Variants in HMCN2 observed in about 807,000 individuals in gnomAD.
HMCN2 encodes the protein hemicentin 2, also known as hemicentin-2.
HMCN2 carries 325 observed loss-of-function variants against 377.5 expected under a neutral mutation model. That is an observed-to-expected ratio of 0.86 (90% CI 0.79 to 0.94). The LOEUF (loss-of-function observed/expected upper bound fraction) is 0.94, where lower values mean the gene tolerates loss of function less well. Ranked by LOEUF, HMCN2 falls within the 40% of genes least tolerant of loss-of-function variation. The pLI is 0.00. For missense variants in HMCN2, 4,543 were observed against 4,725.3 expected (o/e 0.96, Z 1.13); for synonymous variants, 2,007 against 2,046.8 (o/e 0.98, Z 0.53).
chr9:130,401,094 C>G (rs770393661), intron 77 of HMCN2, 147 bp downstream of exon 77: 1 of 642,602 alleles, frequency 1.6e-6, no homozygotes, highest in East Asian at 7.8e-5. Flanking sequence ...AGGACCCTCT[C>G]GCCCTCTCTG....
intron 1 of HMCN2, among the ~76,000 whole-genome samples, chr9:130,283,429 C>G (rs568711485): frequency 6.0e-5 from 9 of 150,994 alleles, no homozygotes; most frequent in South Asian, 2.1e-4. Context: ...ACCCACCCCC[C>G]ACTCAGTGAC....
At chr9:130,286,722 G>T (rs1026173472) in intron 4 of HMCN2, among the ~76,000 whole-genome samples, 1 of 152,224 alleles carries the variant, frequency 6.6e-6, no homozygotes, top group South Asian at 2.1e-4. Context: ...GGGAACCTGC[G>T]GTGGGTGGAG....
rs1303926903 is a variant in HMCN2 at position 130,396,168 on chromosome 9, G to A, written c.11054-1G>A. 8.0e-7 allele frequency: 1 copy of A among 1,248,524 alleles called. No individual in the cohort carries two copies. Among genetic ancestry groups the A allele is most frequent in the East Asian group, 6.2e-5 (1 of 16,008 alleles). The allele number at this position is 1,248,524 out of a possible 1,614,324, so 77.3% of individuals were successfully genotyped here. ...ACCACTCCCTCTGTGCCCCTCCCCA[G>A]CGGTGCCCACCATCCGGTCAGGACC... On this transcript the variant is annotated splice_acceptor_variant, in intron 72 of 97. Transcript: ENST00000683500. LOFTEE classifies it high-confidence loss of function.
chr9:130,346,694 C>T (rs1001629027), intron 25 of HMCN2, among the ~76,000 whole-genome samples: 5 of 151,872 alleles, frequency 3.3e-5, no homozygotes, highest in African/African-American at 1.2e-4. Context: ...TAGAGGCTGG[C>T]GGTGGCAGCA....
chr9:130,343,283 G>A lies in HMCN2; in HGVS notation c.3829+847G>A. Among the ~76,000 whole-genome samples, 2 of 152,348 alleles carry A rather than the reference G, an allele frequency of 1.3e-5. 1 individual carries two copies. Among genetic ancestry groups the A allele is most frequent in the Middle Eastern group, 6.8e-3 (2 of 294 alleles). On this transcript the variant is annotated intron_variant, in intron 25 of 97. Transcript: ENST00000683500. ...CTGTGGGGCTGAGGTTCTCTGGAGGGTGCTGTCTGGTGTCTGGTAGCAAGT... is the reference window on the plus strand; with the variant it reads ...CTGTGGGGCTGAGGTTCTCTGGAGGATGCTGTCTGGTGTCTGGTAGCAAGT...
At chr9:130,377,381 G>A (rs555183817) in intron 52 of HMCN2, among the ~76,000 whole-genome samples, 3 of 152,256 alleles carry the variant, frequency 2.0e-5, no homozygotes, top group South Asian at 2.1e-4. Flanking sequence ...CCAAAGTTCC[G>A]GGATTACAGG....
Position 130,384,432 on chromosome 9 carries a change from G to A in HMCN2, c.8890G>A (p.Val2964Ile), listed in dbSNP as rs542290648. The A allele has an allele frequency of 1.0e-4, 133 of 1,303,978 alleles. 1 individual carries two copies. In the South Asian group the frequency reaches 1.0e-3, roughly 10 times the overall value. The allele number at this position is 1,303,978 out of a possible 1,614,324, so 80.8% of individuals were successfully genotyped here. The change falls in exon 58 of 98, where the codon GTC becomes ATC. Residue 2964 changes from valine (V) to isoleucine (I), a missense_variant. Around this residue, in one of 5 missense-constraint regions of HMCN2, gnomAD observed 736 missense variants for 773.2 expected, o/e 0.95. Transcript: ENST00000683500. ...GGTCACTGCCATCCTCAACAGCAGC[G>A]TCTCCCTCCCTTGCGACGTCCACGC... ...EQVTAILNSS[V>I]SLPCDVHAHP...
Position 130,320,867 on chromosome 9 carries a change from C to T in HMCN2, c.2739C>T (p.Pro913=), listed in dbSNP as rs1022835494. The T allele has an allele frequency of 8.5e-3, 1,299 of 152,360 alleles. 19 individuals are homozygous for T. The highest frequency in any genetic ancestry group is 0.029 in the African/African-American group (1,193 of 41,564). The allele number at this position is 152,360 out of a possible 1,614,324, so 9.4% of individuals were successfully genotyped here. Residue 913 remains proline, a synonymous_variant, in exon 18 of 98, where the codon CCC becomes CCT. Transcript: ENST00000683500. ...SLPCIVLAGR[P]LPERHWLKDG... ...CCTGCATCGTCCTAGCTGGGCGGCC[C>T]CTCCCGGAAAGGCACTGGCTCAAGG...
chr9:130,360,627 G>C lies in HMCN2; in HGVS notation c.5950+23G>C, dbSNP rs1262797219. ...ATGGTGAGCTTCCCTGGGCCTACAA[G>C]GTCCCTTGTCCAAAAAGTTGTCTTT... On this transcript the variant is annotated intron_variant, in intron 38 of 97. Coordinates refer to ENST00000683500, the MANE Select transcript of HMCN2 (RefSeq NM_001291815.2). The surrounding 1 kb of genome is among the most constrained non-coding windows in gnomAD (Gnocchi z 4.7). 5 of 1,263,372 alleles carry C rather than the reference G, an allele frequency of 4.0e-6. No individual in the cohort carries two copies. The highest frequency in any genetic ancestry group is 2.6e-5 in the Admixed American group (1 of 37,878). 78.3% of individuals were successfully genotyped at this position (1,263,372 alleles called of 1,614,324 possible). A position where few individuals can be genotyped will look rare whatever the true frequency, so the allele number is the denominator to read the frequency against.
In HMCN2 at chr9:130,394,570, G is replaced by A; in HGVS notation, c.10687G>A (p.Val3563Met). The change falls in exon 69 of 98, where the codon GTG (valine) becomes ATG (methionine). Residue 3563 changes from valine (V) to methionine (M), a missense_variant. By Grantham distance (21) the Val-to-Met change is conservative (BLOSUM62 1). Around this residue, in one of 5 missense-constraint regions of HMCN2, gnomAD observed 1,073 missense variants for 1,319.5 expected, o/e 0.81. Transcript: ENST00000683500. The surrounding 1 kb of genome is among the most constrained non-coding windows in gnomAD (Gnocchi z 5.1). ...RATRVLRVEN[V>M]QVRDAGLYTC... ...CACACGGGTGCTCCGGGTGGAGAAT[G>A]TGCAGGTACCAGTGCCGCCGCCATG... 1 of 1,285,452 alleles carries A rather than the reference G, an allele frequency of 7.8e-7. No individual in the cohort carries two copies. The highest frequency in any genetic ancestry group is 1.0e-6 in the Non-Finnish European group (1 of 986,300). The allele number at this position is 1,285,452 out of a possible 1,614,324, so 79.6% of individuals were successfully genotyped here. A position where few individuals can be genotyped will look rare whatever the true frequency, so the allele number is the denominator to read the frequency against.
chr9:130,292,621 A>G (rs2131303689), intron 4 of HMCN2, among the ~76,000 whole-genome samples: 1 of 152,320 alleles, frequency 6.6e-6, no homozygotes, highest in East Asian at 1.9e-4. Flanking sequence ...GAGTATCATT[A>G]TGTGCACATG....
intron 15 of HMCN2, among the ~76,000 whole-genome samples, chr9:130,318,857 G>A (rs1837699682): frequency 6.6e-6 from 1 of 152,188 alleles, no homozygotes; most frequent in Non-Finnish European, 1.5e-5. Flanking sequence ...CAGCCAACAG[G>A]GCAAGCTCTA....
intron 85 of HMCN2, 118 bp from the exon 86 acceptor site, chr9:130,418,654 A>T: frequency 1.2e-6 from 1 of 815,408 alleles, no homozygotes; most frequent in Non-Finnish European, 1.8e-6. Context: ...GATCCTATGC[A>T]GTTCTTATTT....
At chr9:130,342,105 T>A (rs972291981) in intron 24 of HMCN2, among the ~76,000 whole-genome samples, 1 of 152,134 alleles carries the variant, frequency 6.6e-6, no homozygotes, top group South Asian at 2.1e-4. Context: ...TCATGGCCCC[T>A]TGTGTCTGAG....
chr9:130,429,191 C>A, intron 93 of HMCN2: 1 of 227,168 alleles, frequency 4.4e-6, no homozygotes, highest in Non-Finnish European at 8.6e-6. Flanking sequence ...ACATACCAGG[C>A]TCCCCTCCTC....
In HMCN2 at chr9:130,407,666, G is replaced by A. The variant is rs1843173998; in HGVS notation, c.12649G>A (p.Val4217Met). 1.6e-6 allele frequency: 2 copies of A among 1,273,548 alleles called. No homozygotes were observed. Among genetic ancestry groups the A allele is most frequent in the Non-Finnish European group, 2.0e-6 (2 of 978,124 alleles). The allele number at this position is 1,273,548 out of a possible 1,614,324, so 78.9% of individuals were successfully genotyped here. A position where few individuals can be genotyped will look rare whatever the true frequency, so the allele number is the denominator to read the frequency against. ...CTATGTCTGCTGGGCGGAGAACAGA[G>A]TGGGCCGCACGCAGGCGGTCAGCTT... Reference protein sequence around the residue: ...GTYVCWAENRVGRTQAVSFVH... With the variant: ...GTYVCWAENRMGRTQAVSFVH... Residue 4217 changes from valine to methionine, a missense_variant, in exon 83 of 98, where the codon GTG (valine) becomes ATG (methionine). This residue lies in a region of HMCN2 where 1,073 missense variants were observed against 1,319.5 expected (regional missense o/e 0.81). Transcript: ENST00000683500.
intron 43 of HMCN2, among the ~76,000 whole-genome samples, chr9:130,367,213 G>A (rs926415022): frequency 2.0e-5 from 3 of 152,126 alleles, no homozygotes; most frequent in Admixed American, 6.5e-5. Context: ...AAGACCTAGC[G>A]TTTGGGGTGA....
intron 1 of HMCN2, among the ~76,000 whole-genome samples, chr9:130,266,560 T>C (rs1375897860): frequency 1.3e-5 from 2 of 152,220 alleles, no homozygotes; most frequent in Admixed American, 6.5e-5. Flanking sequence ...TTCTTAGAAT[T>C]CGCTCCCAGC....
In HMCN2 at chr9:130,384,695, G is replaced by T; in HGVS notation, c.9003G>T (p.Thr3001=). The T allele has an allele frequency of 7.7e-7, 1 of 1,302,340 alleles. No homozygotes were observed. The highest frequency in any genetic ancestry group is 1.0e-6 in the Non-Finnish European group (1 of 988,898). The allele number at this position is 1,302,340 out of a possible 1,614,324, so 80.7% of individuals were successfully genotyped here. A position where few individuals can be genotyped will look rare whatever the true frequency, so the allele number is the denominator to read the frequency against. The change falls in exon 59 of 98, where the codon ACG becomes ACT. Residue 3001 remains threonine, a synonymous_variant. Transcript: ENST00000683500. ...EEVFLLPGTH[T]LQLGRARLSD... ...GGCTTCCCCCGGCAGGCACCCACACGCTGCAGCTGGGGAGAGCACGGCTGT... is the reference window on the plus strand; with the variant it reads ...GGCTTCCCCCGGCAGGCACCCACACTCTGCAGCTGGGGAGAGCACGGCTGT...
Sources: gnomAD v4.1 joint callset for allele counts (sites outside exome capture counted in the v4.1 genomes callset) on GRCh38, gnomAD v4.1.1 for gene constraint, gnomAD v4.1.1 regional missense constraint, Gnocchi (gnomAD v3.1) non-coding constraint, MANE v1.5 for transcripts, NCBI Gene and HGNC (gene_info 2026-07-23, HGNC 2026-07-21) for gene names.